PRKG1: variants seen among roughly 807,000 people sequenced by gnomAD.
The protein encoded by PRKG1 is protein kinase cGMP-dependent 1.
Under a neutral mutation model 88.1 loss-of-function variants are expected in PRKG1, and 35 were observed. The ratio of observed to expected loss-of-function variants is 0.40; its 90% CI spans 0.30 to 0.53. The LOEUF (loss-of-function observed/expected upper bound fraction) is 0.53. Ranked by LOEUF, PRKG1 falls within the 20% of genes least tolerant of loss-of-function variation. The pLI, the probability that PRKG1 is intolerant of heterozygous loss-of-function variation, is 0.59. For missense variants in PRKG1, 540 were observed against 839.8 expected, an observed-to-expected ratio of 0.64 and a Z score of 4.41; for synonymous variants, 303 against 292.5, an observed-to-expected ratio of 1.04 and a Z score of -0.37.
intron 2 of PRKG1, among the ~76,000 whole-genome samples, chr10:51,192,853 A>G (rs1837664877): frequency 6.6e-6 from 1 of 151,988 alleles, no homozygotes; most frequent in Non-Finnish European, 1.5e-5. Context: ...TCTACCTTTC[A>G]AGTCATTCAT....
intron 2 of PRKG1, among the ~76,000 whole-genome samples, chr10:51,199,493 C>G (rs1837856469): frequency 1.3e-5 from 2 of 152,078 alleles, no homozygotes; most frequent in African/African-American, 4.8e-5. Flanking sequence ...ATGAGTGTGG[C>G]CGATTTCTTC....
chr10:51,166,570 A>C (rs1846548065), intron 2 of PRKG1, among the ~76,000 whole-genome samples: 1 of 152,202 alleles, frequency 6.6e-6, no homozygotes, highest in Admixed American at 6.5e-5. Flanking sequence ...TATCCTCTTC[A>C]AAGAAAATTA....
chr10:52,280,688 A>T, intron 12 of PRKG1, 101 bp from the exon 13 acceptor site: 2 of 1,305,102 alleles, frequency 1.5e-6, no homozygotes, highest in Non-Finnish European at 2.1e-6. Context: ...TCTCTGGGTT[A>T]AATTTTGGCA....
At chr10:52,238,774 G>T (rs1428580827) in intron 9 of PRKG1, among the ~76,000 whole-genome samples, 1 of 149,836 alleles carries the variant, frequency 6.7e-6, no homozygotes, top group Non-Finnish European at 1.5e-5. Context: ...GATTCCTCAG[G>T]GATCTAGAGC....
intron 3 of PRKG1, among the ~76,000 whole-genome samples, chr10:51,650,178 A>G (rs1387004652): frequency 1.3e-5 from 2 of 152,130 alleles, no homozygotes; most frequent in Non-Finnish European, 2.9e-5. Flanking sequence ...CTCAGGAGAG[A>G]ACCTATCCAG....
At chr10:51,795,976 A>T (rs189352668) in intron 3 of PRKG1, among the ~76,000 whole-genome samples, 2 of 152,240 alleles carry the variant, frequency 1.3e-5, no homozygotes, top group South Asian at 4.1e-4. Flanking sequence ...AATTTCAACT[A>T]ATGTTCTACT....
chr10:52,206,512 C>G (rs1199262080), intron 9 of PRKG1, among the ~76,000 whole-genome samples: 1 of 152,322 alleles, frequency 6.6e-6, no homozygotes, highest in East Asian at 1.9e-4. Context: ...AGAGTACTTG[C>G]ACTGGTTCTT....
At chr10:52,265,875 TAAC>T (rs1439313481) in intron 10 of PRKG1, among the ~76,000 whole-genome samples, 2 of 152,122 alleles carry the variant, frequency 1.3e-5, no homozygotes, top group Non-Finnish European at 2.9e-5. Flanking sequence ...CATTTTGAAG[TAAC>T]AATGTACTGT....
intron 5 of PRKG1, among the ~76,000 whole-genome samples, chr10:51,993,539 T>C (rs61847549): frequency 0.2 from 30,182 of 152,114 alleles, 3,842 homozygotes; most frequent in Non-Finnish European, 0.28. Flanking sequence ...CTAAGAGAGT[T>C]TGAATAATTT....
chr10:51,619,563 C>A (rs1007817850), intron 3 of PRKG1, among the ~76,000 whole-genome samples: 1 of 152,114 alleles, frequency 6.6e-6, no homozygotes, highest in African/African-American at 2.4e-5. Flanking sequence ...GAGGGACCTG[C>A]CTGAATTTGC....
chr10:51,146,829 A>G (rs1845957975), intron 1 of PRKG1, among the ~76,000 whole-genome samples: 3 of 152,188 alleles, frequency 2.0e-5, no homozygotes, highest in Non-Finnish European at 4.4e-5. Context: ...AGTATATCAA[A>G]GAGATATCTG....
chr10:51,512,717 G>T (rs1841454412), intron 3 of PRKG1, among the ~76,000 whole-genome samples: 1 of 59,190 alleles, frequency 1.7e-5, no homozygotes, highest in South Asian at 7.1e-4. Context: ...CCCAGTAATG[G>T]GATGGCTGGG....
chr10:51,869,541 T>C (rs1328857356), intron 4 of PRKG1, among the ~76,000 whole-genome samples: 7 of 152,164 alleles, frequency 4.6e-5, no homozygotes, highest in Non-Finnish European at 1.0e-4. Flanking sequence ...GATCCAGCCC[T>C]TGAACTCAAA....
intron 4 of PRKG1, among the ~76,000 whole-genome samples, chr10:51,807,079 T>G (rs779699959): frequency 1.3e-5 from 2 of 152,234 alleles, no homozygotes; most frequent in African/African-American, 4.8e-5. Flanking sequence ...AGCTTATTTC[T>G]ACTTCTAGAC....
chr10:52,159,875 T>C (rs1009054602), intron 8 of PRKG1, among the ~76,000 whole-genome samples: 5 of 151,932 alleles, frequency 3.3e-5, no homozygotes, highest in African/African-American at 1.2e-4. Context: ...TAAGTTTTAG[T>C]AATTATTGCT....
At chr10:51,159,649 C>T (rs1846311537) in intron 2 of PRKG1, among the ~76,000 whole-genome samples, 2 of 152,002 alleles carry the variant, frequency 1.3e-5, no homozygotes, top group African/African-American at 4.8e-5. Context: ...TATTTAGATG[C>T]CATGTGGGGT....
intron 9 of PRKG1, among the ~76,000 whole-genome samples, chr10:52,198,813 AGTGTGT>A (rs3031003): frequency 6.7e-6 from 1 of 148,804 alleles, no homozygotes; most frequent in Non-Finnish European, 1.5e-5. Context: ...TTGGGGTGTG[AGTGTGT>A]GTGTGTGTGT....
intron 3 of PRKG1, among the ~76,000 whole-genome samples, chr10:51,629,535 C>G (rs764718226): frequency 1.1e-4 from 17 of 151,882 alleles, no homozygotes; most frequent in Middle Eastern, 3.4e-3. Context: ...TGATTGCTGT[C>G]GCTGCAGAAA....
intron 2 of PRKG1, among the ~76,000 whole-genome samples, chr10:51,184,312 G>C (rs904975575): frequency 2.6e-5 from 4 of 152,164 alleles, no homozygotes; most frequent in Non-Finnish European, 5.9e-5. Flanking sequence ...CAATGTTCAT[G>C]GAGAATGCTA....
Sources: allele counts gnomAD v4.1 joint callset (sites outside exome capture counted in the v4.1 genomes callset), GRCh38; gene constraint gnomAD v4.1.1; transcripts MANE v1.5; gene names NCBI Gene and HGNC (gene_info 2026-07-23, HGNC 2026-07-21).